CERS6: variants seen among roughly 807,000 people sequenced by gnomAD.
CERS6 encodes the protein LAG1 homolog, ceramide synthase 6.
A neutral mutation model predicts 56.8 loss-of-function variants in CERS6; 26 were observed. That is an observed-to-expected ratio of 0.46 (90% CI 0.34 to 0.63). The LOEUF (loss-of-function observed/expected upper bound fraction) is 0.63. CERS6 is among the 30% of genes least tolerant of loss of function. The pLI, the probability that CERS6 is intolerant of heterozygous loss-of-function variation, is 0.01. For missense variants in CERS6, 415 were observed against 467.5 expected, an observed-to-expected ratio of 0.89 and a Z score of 1.04; for synonymous variants, 164 against 173.3, an observed-to-expected ratio of 0.95 and a Z score of 0.42.
At chr2:168,487,941 A>G (rs1694303848) in intron 1 of CERS6, among the ~76,000 whole-genome samples, 1 of 151,990 alleles carries the variant, frequency 6.6e-6, no homozygotes, top group African/African-American at 2.4e-5. Flanking sequence ...GTTGGTCTTG[A>G]ACTCCTGGCC....
chr2:168,684,860 A>T (rs1016698614), intron 4 of CERS6, among the ~76,000 whole-genome samples: 1 of 152,194 alleles, frequency 6.6e-6, no homozygotes, highest in African/African-American at 2.4e-5. Flanking sequence ...GAACTTAGAC[A>T]TTGGACTTAG....
intron 4 of CERS6, among the ~76,000 whole-genome samples, chr2:168,634,260 A>T (rs1684814105): frequency 6.6e-6 from 1 of 152,252 alleles, no homozygotes; most frequent in Non-Finnish European, 1.5e-5. Flanking sequence ...ACTTATAATT[A>T]GCAGAGTCAA....
intron 3 of CERS6, among the ~76,000 whole-genome samples, chr2:168,602,075 G>GGCA (rs1431166999): frequency 5.3e-5 from 8 of 152,192 alleles, no homozygotes; most frequent in Non-Finnish European, 1.0e-4. Flanking sequence ...GGTTCTGAGA[G>GGCA]GCAGTCACTA....
intron 4 of CERS6, among the ~76,000 whole-genome samples, chr2:168,663,787 AT>A (rs1559042198): frequency 6.6e-6 from 1 of 152,008 alleles, no homozygotes; most frequent in Admixed American, 6.5e-5. Flanking sequence ...AAATCTCTAA[AT>A]TTTTCTTCAG....
chr2:168,672,380 T>C (rs527605183), intron 4 of CERS6, among the ~76,000 whole-genome samples: 4 of 152,226 alleles, frequency 2.6e-5, no homozygotes, highest in Non-Finnish European at 4.4e-5. Context: ...CATGAGAATA[T>C]GAGCCTAACT....
At chr2:168,484,307 G>A (rs537737337) in intron 1 of CERS6, among the ~76,000 whole-genome samples, 193 of 149,064 alleles carry the variant, frequency 1.3e-3, no homozygotes, top group Middle Eastern at 0.01. Flanking sequence ...TCAGCCTCCC[G>A]AGTAGCTGGG....
intron 8 of CERS6, among the ~76,000 whole-genome samples, chr2:168,738,726 CACAGGGCTAACCA>C (rs1306876606): frequency 3.3e-5 from 5 of 152,128 alleles, no homozygotes; most frequent in Admixed American, 1.3e-4. Flanking sequence ...AAAGCTTAGG[CACAGGGCTAACCA>C]ACAGGGATAC....
intron 8 of CERS6, among the ~76,000 whole-genome samples, chr2:168,752,466 C>T (rs1684302269): frequency 2.0e-5 from 3 of 152,134 alleles, no homozygotes; most frequent in African/African-American, 7.2e-5. Flanking sequence ...TAGCTTTCAG[C>T]TTTGCTGGAT....
chr2:168,688,912 C>T (rs557711007), intron 4 of CERS6, among the ~76,000 whole-genome samples: 1 of 152,212 alleles, frequency 6.6e-6, no homozygotes, highest in African/African-American at 2.4e-5. Flanking sequence ...AGAGAAAAGC[C>T]TGGGTTTTAG....
intron 4 of CERS6, among the ~76,000 whole-genome samples, chr2:168,658,867 A>G (rs1340265412): frequency 6.6e-6 from 1 of 152,148 alleles, no homozygotes; most frequent in East Asian, 1.9e-4. Context: ...TTTACATTAG[A>G]CGGGCCCCCT....
chr2:168,617,679 C>T (rs1684350974), intron 3 of CERS6, among the ~76,000 whole-genome samples: 1 of 152,032 alleles, frequency 6.6e-6, no homozygotes, highest in African/African-American at 2.4e-5. Flanking sequence ...TAGCTTAAAT[C>T]AGGAAGAATT....
intron 4 of CERS6, among the ~76,000 whole-genome samples, chr2:168,639,725 A>G (rs898098644): frequency 2.6e-5 from 4 of 152,136 alleles, no homozygotes; most frequent in African/African-American, 9.7e-5. Flanking sequence ...GCAGAGCAGC[A>G]GGAATTCCGA....
intron 4 of CERS6, among the ~76,000 whole-genome samples, chr2:168,681,908 T>G (rs1686227133): frequency 6.6e-6 from 1 of 152,244 alleles, no homozygotes; most frequent in African/African-American, 2.4e-5. Flanking sequence ...GGTGCCTGGC[T>G]TATTTCACTT....
intron 8 of CERS6, among the ~76,000 whole-genome samples, chr2:168,741,965 A>G (rs1037174489): frequency 6.6e-6 from 1 of 152,214 alleles, no homozygotes; most frequent in Non-Finnish European, 1.5e-5. Context: ...CTCCATGGTC[A>G]TTGAGGTCCC....
At chr2:168,735,718 A>AT (rs542030696) in intron 8 of CERS6, among the ~76,000 whole-genome samples, 1,670 of 148,716 alleles carry the variant, frequency 0.011, 23 homozygotes, top group African/African-American at 0.038. Context: ...TCTACTAAAA[A>AT]TTTAAAAAAA....
At position 168,761,879 on chromosome 2, in the gene CERS6, T is replaced by G. The variant is rs538555254; in HGVS notation, c.846-3713T>G. On this transcript the variant is annotated intron_variant, in intron 8 of 9. Coordinates refer to ENST00000305747, the MANE Select transcript of CERS6 (RefSeq NM_203463.3). ...AGTCATTTTTACAAATTACTTGTAT[T>G]TATTAATAAATATTTATTAATAATT... Among the ~76,000 whole-genome samples, 15 of 152,232 alleles carry G rather than the reference T, an allele frequency of 9.9e-5. No homozygotes were observed. In the South Asian group the frequency reaches 3.1e-3, roughly 32 times the overall value.
chr2:168,474,244 C>T lies in CERS6; in HGVS notation c.170+17626C>T, dbSNP rs553640928. On this transcript the variant is annotated intron_variant, in intron 1 of 9. Coordinates refer to ENST00000305747, the MANE Select transcript of CERS6 (RefSeq NM_203463.3). Reference sequence around the variant, plus strand: ...TGTGGGTGTTTCCTAGTTGATTTAACGGCTTTTCCATAAATGCTATAGGAA... The same window carrying T: ...TGTGGGTGTTTCCTAGTTGATTTAATGGCTTTTCCATAAATGCTATAGGAA... 7.9e-4 allele frequency among the ~76,000 whole-genome samples: 121 copies of T among 152,224 alleles called. 1 individual carries two copies. The highest frequency in any genetic ancestry group is 2.3e-3 in the African/African-American group (97 of 41,506).
chr2:168,508,692 C>T (rs577376351), intron 1 of CERS6, among the ~76,000 whole-genome samples: 24 of 151,756 alleles, frequency 1.6e-4, no homozygotes, highest in African/African-American at 5.8e-4. Context: ...AGGGGAACAT[C>T]ACACACCAGG....
chr2:168,576,766 G>A (rs1209493381), intron 3 of CERS6, among the ~76,000 whole-genome samples: 1 of 151,164 alleles, frequency 6.6e-6, no homozygotes, highest in Non-Finnish European at 1.5e-5. Context: ...ATACACATAT[G>A]TTTTTCATGA....
Sources: allele counts gnomAD v4.1 joint callset (sites outside exome capture counted in the v4.1 genomes callset), GRCh38; gene constraint gnomAD v4.1.1; transcripts MANE v1.5; gene names NCBI Gene and HGNC (gene_info 2026-07-23, HGNC 2026-07-21).